The following PRR29 variants were observed in gnomAD, a reference collection of about 807,000 sequenced individuals.
The protein encoded by PRR29 is proline-rich protein 29.
A neutral mutation model predicts 25.1 loss-of-function variants in PRR29; 20 were observed. The observed-to-expected ratio is 0.80, with a 90% confidence interval of 0.56 to 1.16. PRR29 has a LOEUF of 1.16. PRR29 is among the 50% of genes most tolerant of loss of function. The pLI, the probability that PRR29 is intolerant of heterozygous loss-of-function variation, is 0.00. For missense variants in PRR29, 238 were observed against 246.6 expected (o/e 0.97, Z 0.23); for synonymous variants, 108 against 102.6 (o/e 1.05, Z -0.32).
intron 1 of PRR29, 64 bp from the exon 2 acceptor site, chr17:63,998,643 G>A: frequency 1.9e-6 from 2 of 1,075,348 alleles, no homozygotes; most frequent in South Asian, 1.4e-5. Context: ...GGGGGGTTGG[G>A]GCTCGCGACG....
rs567920713 is a variant in PRR29 at position 64,004,018 on chromosome 17, G to A, written c.*2257G>A. The A allele has an allele frequency of 2.6e-5, 35 of 1,368,850 alleles. No individual in the cohort carries two copies. The East Asian group carries it at 8.0e-4, about 31-fold the overall frequency. 84.8% of individuals were successfully genotyped at this position (1,368,850 alleles called of 1,614,324 possible). ...TCAGGATGGGGGTGCAGTCCCAGCAGCCTCCCCCTGGCCAGGGCCATCTCC... is the reference window on the plus strand; with the variant it reads ...TCAGGATGGGGGTGCAGTCCCAGCAACCTCCCCCTGGCCAGGGCCATCTCC... On this transcript the variant is annotated 3_prime_UTR_variant, in exon 6 of 6. Coordinates refer to ENST00000412177, the MANE Select transcript of PRR29 (RefSeq NM_001164257.2).
chr17:63,998,797 T>TGGC lies in PRR29; in HGVS notation c.136+15_136+16insGGC. ...CGTGAAGGAAGGTGAGACTCCCGGG[T>TGGC]CCCCCCACCCCACCCCCACCATCAC... On this transcript the variant is annotated intron_variant, in intron 2 of 5. Coordinates refer to ENST00000412177, the MANE Select transcript of PRR29 (RefSeq NM_001164257.2). The TGGC allele has an allele frequency of 8.0e-4, 845 of 1,060,080 alleles. No homozygotes were observed. Among genetic ancestry groups the TGGC allele is most frequent in the Non-Finnish European group, 1.0e-3 (782 of 759,396 alleles). The allele number at this position is 1,060,080 out of a possible 1,614,324, so 65.7% of individuals were successfully genotyped here.
rs1440248686 is a variant in PRR29, at chr17:64,001,506, G to T, written c.510G>T (p.Gly170=). The T allele has an allele frequency of 6.0e-6, 9 of 1,512,314 alleles. No homozygotes were observed. Among genetic ancestry groups the T allele is most frequent in the Non-Finnish European group, 7.9e-6 (9 of 1,134,744 alleles). 93.7% of individuals were successfully genotyped at this position (1,512,314 alleles called of 1,614,324 possible). The change falls in exon 5 of 6, where the codon GGG becomes GGT. Residue 170 remains glycine, a synonymous_variant. Coordinates refer to ENST00000412177, the MANE Select transcript of PRR29 (RefSeq NM_001164257.2). ...VPPPPPPSAT[G]TVGADVPPAS... The stretch of plus-strand genomic sequence containing the variant: ...CACCCCCACCCCCCAGTGCCACAGG[G>T]ACTGTGGGTGCTGATGTACCCCCGG...
Position 64,003,621 on chromosome 17 carries a change from T to TC in PRR29, c.*1862dup. 1 of 1,598,696 alleles carries TC rather than the reference T, an allele frequency of 6.3e-7. No individual in the cohort carries two copies. Among genetic ancestry groups the TC allele is most frequent in the East Asian group, 2.2e-5 (1 of 44,734 alleles). ...CTGAAAGTGACTTATCACTCCCAAC[T>TC]CCATCCACGGATCCCCCCTCACCAT... On this transcript the variant is annotated 3_prime_UTR_variant, in exon 6 of 6. Coordinates refer to ENST00000412177, the MANE Select transcript of PRR29 (RefSeq NM_001164257.2).
In PRR29 at chr17:64,003,029, C is replaced by T. The variant is rs1350098981; in HGVS notation, c.*1268C>T. 16 of 979,338 alleles carry T rather than the reference C, an allele frequency of 1.6e-5. No homozygotes were observed. Among genetic ancestry groups the T allele is most frequent in the East Asian group, 2.6e-5 (1 of 38,300 alleles). The allele number at this position is 979,338 out of a possible 1,614,324, so 60.7% of individuals were successfully genotyped here. On this transcript the variant is annotated 3_prime_UTR_variant, in exon 6 of 6. Coordinates refer to ENST00000412177, the MANE Select transcript of PRR29 (RefSeq NM_001164257.2). ...CCCAACCCAGACCCCCAGACCCCGC[C>T]GCCCGCTCATGCATCCAGCAGTCAC...
Position 64,004,145 on chromosome 17 carries a change from A to G in PRR29, c.*2384A>G. The G allele has an allele frequency of 1.7e-6, 1 of 581,686 alleles. No homozygotes were observed. The highest frequency in any genetic ancestry group is 2.2e-5 in the South Asian group (1 of 45,682). 36.0% of individuals were successfully genotyped at this position (581,686 alleles called of 1,614,324 possible). ...GAGGATGGAGGCTGGACTGTGTGGT[A>G]GTTTTACAGACATGATGGTTTCCGG... On this transcript the variant is annotated 3_prime_UTR_variant, in exon 6 of 6. Transcript: ENST00000412177.
Position 64,001,844 on chromosome 17 carries a change from A to G in PRR29, c.*83A>G. On this transcript the variant is annotated 3_prime_UTR_variant, in exon 6 of 6. Transcript: ENST00000412177. The stretch of plus-strand genomic sequence containing the variant: ...GCCGCCTCCTGCACCTCTCTTGTCG[A>G]CTCCCCGGTGCCCATGGCTGGCAGT... The G allele has an allele frequency of 6.5e-7, 1 of 1,535,470 alleles. No homozygotes were observed. Among genetic ancestry groups the G allele is most frequent in the Non-Finnish European group, 8.7e-7 (1 of 1,146,478 alleles).
chr17:64,002,211 CAG>C lies in PRR29; in HGVS notation c.*453_*454del. 6.5e-6 allele frequency: 4 copies of C among 616,358 alleles called. No homozygotes were observed. Among genetic ancestry groups the C allele is most frequent in the Non-Finnish European group, 1.1e-5 (4 of 357,718 alleles). The allele number at this position is 616,358 out of a possible 1,614,324, so 38.2% of individuals were successfully genotyped here. On this transcript the variant is annotated 3_prime_UTR_variant, in exon 6 of 6. Transcript: ENST00000412177. The stretch of plus-strand genomic sequence containing the variant: ...CCCCTTTGAGGTGGCTGGAGGGGCC[CAG>C]AGTGGTCGGGGAGAGACTTTGCTGG...
chr17:63,998,797 T>TGGCCCCCC lies in PRR29; in HGVS notation c.136+15_136+16insGGCCCCCC. On this transcript the variant is annotated intron_variant, in intron 2 of 5. Transcript: ENST00000412177. ...CGTGAAGGAAGGTGAGACTCCCGGG[T>TGGCCCCCC]CCCCCCACCCCACCCCCACCATCAC... is the stretch of plus-strand genomic sequence containing the variant. The TGGCCCCCC allele has an allele frequency of 2.8e-6, 3 of 1,062,606 alleles. No individual in the cohort carries two copies. The highest frequency in any genetic ancestry group is 3.9e-6 in the Non-Finnish European group (3 of 761,704). 65.8% of individuals were successfully genotyped at this position (1,062,606 alleles called of 1,614,324 possible).
At chr17:63,998,669 C>G (rs778213421) in intron 1 of PRR29, 38 bp from the exon 2 acceptor site, 2 of 1,185,052 alleles carry the variant, frequency 1.7e-6, no homozygotes, top group East Asian at 2.6e-5. Context: ...CCATCCATTC[C>G]CCCCACCCCA....
Position 63,998,538 on chromosome 17 carries a change from C to T in PRR29, c.60+114C>T. 3.1e-6 allele frequency: 4 copies of T among 1,277,584 alleles called. No homozygotes were observed. In the South Asian group the frequency reaches 6.0e-5, roughly 19 times the overall value. The allele number at this position is 1,277,584 out of a possible 1,614,324, so 79.1% of individuals were successfully genotyped here. A position where few individuals can be genotyped will look rare whatever the true frequency, so the allele number is the denominator to read the frequency against. ...GGTGGGGGACGAGGAGAGACAGCCC[C>T]AAACCGAGAGGAAGAGGCGTGGCAG... On this transcript the variant is annotated intron_variant, in intron 1 of 5. Transcript: ENST00000412177.
At chr17:63,998,927 C>T (rs1417412210) in intron 2 of PRR29, 41 bp from the exon 3 acceptor site, 30 of 1,521,702 alleles carry the variant, frequency 2.0e-5, no homozygotes, top group Non-Finnish European at 2.6e-5. Flanking sequence ...GGGAGGGGGA[C>T]TCGGAGGCCC....
rs1910920859 is a variant in PRR29, at chr17:64,003,151, GT to G, written c.*1391del. Reference sequence around the variant, plus strand: ...CTCAGGCTACCAGCTGGACTTCTGTGTGGCTGTGAGGGCAGATGTCCCCTTG... The same window carrying G: ...CTCAGGCTACCAGCTGGACTTCTGTGGGCTGTGAGGGCAGATGTCCCCTTG... On this transcript the variant is annotated 3_prime_UTR_variant, in exon 6 of 6. Coordinates refer to ENST00000412177, the MANE Select transcript of PRR29 (RefSeq NM_001164257.2). 7.3e-6 allele frequency: 4 copies of G among 544,668 alleles called. No individual in the cohort carries two copies. Among genetic ancestry groups the G allele is most frequent in the Non-Finnish European group, 1.3e-5 (4 of 303,740 alleles). 33.7% of individuals were successfully genotyped at this position (544,668 alleles called of 1,614,324 possible).
intron 1 of PRR29, 79 bp downstream of exon 1, chr17:63,998,503 A>T (rs567920806): frequency 1.4e-6 from 2 of 1,382,758 alleles, no homozygotes; most frequent in South Asian, 2.9e-5. Flanking sequence ...GAGGGGCCAG[A>T]TCCTGGAGGG....
intron 3 of PRR29, 27 bp from the exon 4 acceptor site, chr17:64,001,057 C>T (rs897886091): frequency 6.6e-7 from 1 of 1,512,452 alleles, no homozygotes; most frequent in Non-Finnish European, 8.9e-7. Flanking sequence ...ATTCTCATTT[C>T]CCCTCCCTGT....
At chr17:63,998,461 T>C (rs1312677246) in intron 1 of PRR29, 37 bp downstream of exon 1, 14 of 1,453,678 alleles carry the variant, frequency 9.6e-6, no homozygotes, top group Middle Eastern at 3.6e-4. Context: ...CTGCCTTAGC[T>C]TGGGAGACGG....
rs202240644 is a variant in PRR29, at chr17:64,003,974, A to T, written c.*2213A>T. ...ACCTGCCTTGGAGGCTCTGCAGGGGACAAAGGAGGGAGGTCTGGTCAGGAT... is the reference window on the plus strand; with the variant it reads ...ACCTGCCTTGGAGGCTCTGCAGGGGTCAAAGGAGGGAGGTCTGGTCAGGAT... On this transcript the variant is annotated 3_prime_UTR_variant, in exon 6 of 6. Coordinates refer to ENST00000412177, the MANE Select transcript of PRR29 (RefSeq NM_001164257.2). 1.3e-6 allele frequency: 2 copies of T among 1,599,056 alleles called. No individual in the cohort carries two copies. Among genetic ancestry groups the T allele is most frequent in the East Asian group, 2.3e-5 (1 of 44,306 alleles).
Position 63,998,796 on chromosome 17 carries a change from G to GGGGCCCCCC in PRR29, c.136+14_136+15insGGGCCCCCC. ...GCGTGAAGGAAGGTGAGACTCCCGG[G>GGGGCCCCCC]TCCCCCCACCCCACCCCCACCATCA... On this transcript the variant is annotated intron_variant, in intron 2 of 5. Coordinates refer to ENST00000412177, the MANE Select transcript of PRR29 (RefSeq NM_001164257.2). The GGGGCCCCCC allele has an allele frequency of 2.2e-6, 3 of 1,345,566 alleles. No homozygotes were observed. Among genetic ancestry groups the GGGGCCCCCC allele is most frequent in the Non-Finnish European group, 3.1e-6 (3 of 975,956 alleles). The allele number at this position is 1,345,566 out of a possible 1,614,324, so 83.4% of individuals were successfully genotyped here.
At chr17:63,999,360 G>C (rs1259165412) in intron 3 of PRR29, 1 of 516,198 alleles carries the variant, frequency 1.9e-6, no homozygotes, top group Non-Finnish European at 3.5e-6. Context: ...TAGGCACCCT[G>C]GTAACCCTGC....
Sources: allele counts gnomAD v4.1 joint callset, GRCh38; gene constraint gnomAD v4.1.1; transcripts MANE v1.5; gene names NCBI Gene and HGNC (gene_info 2026-07-23, HGNC 2026-07-21).